The following INVS variants were observed in gnomAD, a reference collection of about 807,000 sequenced individuals.
INVS encodes the protein inversin, also known as inversion of embryo turning homolog.
A neutral mutation model predicts 108.8 loss-of-function variants in INVS; 86 were observed. The observed-to-expected ratio is 0.79, with a 90% confidence interval of 0.66 to 0.95. The LOEUF is 0.95. INVS is among the 40% of genes least tolerant of loss of function. The pLI, the probability that INVS is intolerant of heterozygous loss-of-function variation, is 0.00. For synonymous variants in INVS, 455 were observed against 473.5 expected, an observed-to-expected ratio of 0.96 and a Z score of 0.51; for missense variants, 1,169 against 1,297.4, an observed-to-expected ratio of 0.90 and a Z score of 1.52.
At chr9:100,117,327 TGA>T (rs1827566186) in intron 2 of INVS, 12 of 731,710 alleles carry the variant, frequency 1.6e-5, no homozygotes, top group Non-Finnish European at 2.7e-5. Context: ...ATCTCGTCCT[TGA>T]GAGAGGCCCC....
intron 3 of INVS, among the ~76,000 whole-genome samples, chr9:100,211,733 G>A (rs1439732142): frequency 3.3e-5 from 5 of 152,200 alleles, no homozygotes. Context: ...ACTATTTCAA[G>A]CCAGAGAGAT....
intron 3 of INVS, chr9:100,129,645 C>A: frequency 1.5e-6 from 1 of 649,074 alleles, no homozygotes; most frequent in Non-Finnish European, 2.9e-6. Flanking sequence ...TCTGTAAAAA[C>A]TGAATAAAAT....
intron 3 of INVS, among the ~76,000 whole-genome samples, chr9:100,142,488 G>A (rs376994518): frequency 6.6e-6 from 1 of 152,060 alleles, no homozygotes; most frequent in Non-Finnish European, 1.5e-5. Flanking sequence ...AAGGAAATAC[G>A]GGGAAATGGG....
intron 3 of INVS, among the ~76,000 whole-genome samples, chr9:100,221,038 C>T (rs944020545): frequency 6.6e-6 from 1 of 151,462 alleles, no homozygotes; most frequent in Non-Finnish European, 1.5e-5. Flanking sequence ...TAAGAATATT[C>T]TCAAAAACAT....
intron 3 of INVS, chr9:100,175,321 A>C (rs951514515): frequency 1.2e-5 from 9 of 725,872 alleles, no homozygotes; most frequent in Non-Finnish European, 1.8e-5. Context: ...TGCCTCACAC[A>C]GAGTCTGGAC....
chr9:100,206,271 G>T (rs1262636504), intron 3 of INVS, among the ~76,000 whole-genome samples: 1 of 152,128 alleles, frequency 6.6e-6, no homozygotes, highest in African/African-American at 2.4e-5. Context: ...TTTAAGAGGT[G>T]CAGGCTGATC....
At chr9:100,104,433 G>A (rs1355317704) in intron 1 of INVS, 65 bp from the exon 2 acceptor site, 3 of 846,640 alleles carry the variant, frequency 3.5e-6, no homozygotes, top group African/African-American at 1.7e-5. Flanking sequence ...TACCCACTTG[G>A]AACTGATGAG....
At chr9:100,227,120 T>C (rs879737587) in intron 4 of INVS, among the ~76,000 whole-genome samples, 6 of 152,216 alleles carry the variant, frequency 3.9e-5, no homozygotes, top group Non-Finnish European at 7.3e-5. Context: ...GTATTACATT[T>C]CAGTAAATAG....
Position 100,225,121 on chromosome 9 carries a change from G to A in INVS, c.274-941G>A, listed in dbSNP as rs540953647. Among the ~76,000 whole-genome samples the A allele has an allele frequency of 3.3e-5, 5 of 149,886 alleles. No individual in the cohort carries two copies. The South Asian group carries it at 6.4e-4, about 19-fold the overall frequency. On this transcript the variant is annotated intron_variant, in intron 3 of 16. Transcript: ENST00000262457. The stretch of plus-strand genomic sequence containing the variant: ...CGCCCAGCCTGGAGTGCAGTGGCAC[G>A]ATCTCGGCTCACTGCAAGCTCCGCC...
chr9:100,200,938 C>T (rs963340496), intron 3 of INVS, among the ~76,000 whole-genome samples: 5 of 152,212 alleles, frequency 3.3e-5, no homozygotes, highest in African/African-American at 7.2e-5. Context: ...CTTCACACTG[C>T]GGCCAGATTT....
At chr9:100,104,141 A>G (rs1224593943) in intron 1 of INVS, among the ~76,000 whole-genome samples, 1 of 152,136 alleles carries the variant, frequency 6.6e-6, no homozygotes, top group Non-Finnish European at 1.5e-5. Flanking sequence ...CTCTCATTTT[A>G]CAGATGAGCA....
rs930315047 is a variant in INVS, at chr9:100,272,863, G to A, written c.1572-1G>A. 6.2e-7 allele frequency: 1 copy of A among 1,613,262 alleles called. No homozygotes were observed. The highest frequency in any genetic ancestry group is 1.3e-5 in the African/African-American group (1 of 74,930). On this transcript the variant is annotated splice_acceptor_variant, in intron 11 of 16. Transcript: ENST00000262457. LOFTEE classifies it high-confidence loss of function. ...AAAAAGAAATCTTCCTCCCACTTCA[G>A]ATACACACCCCTTGATTATGCTTTG...
intron 10 of INVS, among the ~76,000 whole-genome samples, chr9:100,254,353 C>T (rs187637626): frequency 6.7e-4 from 102 of 152,172 alleles, no homozygotes; most frequent in African/African-American, 2.3e-3. Flanking sequence ...AAAATTTTCT[C>T]CAGTTTGAAG....
chr9:100,144,091 C>T (rs148415232), intron 3 of INVS, among the ~76,000 whole-genome samples: 45 of 151,958 alleles, frequency 3.0e-4, no homozygotes, highest in African/African-American at 1.0e-3. Flanking sequence ...AGATGGGACA[C>T]GGCTTAGGAG....
At chr9:100,297,226 C>T (rs1833816802) in intron 15 of INVS, 80 bp downstream of exon 15, 1 of 1,115,862 alleles carries the variant, frequency 9.0e-7, no homozygotes, top group Non-Finnish European at 1.3e-6. Flanking sequence ...AATTTAATTA[C>T]ATTGGGTAAA....
rs145989630 is a variant in INVS, at chr9:100,295,649, C to A, written c.2787-1268C>A. Among the ~76,000 whole-genome samples the A allele has an allele frequency of 3.5e-3, 538 of 152,108 alleles. 3 individuals are homozygous for A. The highest frequency in any genetic ancestry group is 0.012 in the African/African-American group (506 of 41,480). On this transcript the variant is annotated intron_variant, in intron 14 of 16. Transcript: ENST00000262457. ...GCAGGGAAGAAGTGGGCAAAATGAA[C>A]CTTGGGTCCTGAGAAAATGAAACTT... is the stretch of plus-strand genomic sequence containing the variant.
chr9:100,236,993 G>A (rs1489526844), intron 5 of INVS, among the ~76,000 whole-genome samples: 1 of 152,246 alleles, frequency 6.6e-6, no homozygotes, highest in Non-Finnish European at 1.5e-5. Context: ...GTCCTAGGGA[G>A]ATGGGAGTTT....
intron 16 of INVS, 113 bp downstream of exon 16, chr9:100,298,123 TGG>T: frequency 1.3e-6 from 2 of 1,574,560 alleles, no homozygotes; most frequent in African/African-American, 2.7e-5. Context: ...GGTTTTCCAA[TGG>T]TCATTTGATT....
At chr9:100,233,024 A>C (rs1831561828) in intron 5 of INVS, among the ~76,000 whole-genome samples, 1 of 152,060 alleles carries the variant, frequency 6.6e-6, no homozygotes, top group Non-Finnish European at 1.5e-5. Flanking sequence ...GTCCTCTCTT[A>C]TGTCCTTGAA....
Sources: allele counts gnomAD v4.1 joint callset (sites outside exome capture counted in the v4.1 genomes callset), GRCh38; gene constraint gnomAD v4.1.1; transcripts MANE v1.5; gene names NCBI Gene and HGNC (gene_info 2026-07-23, HGNC 2026-07-21).